Variants in ZDHHC14 observed in about 807,000 individuals in gnomAD.
ZDHHC14 encodes palmitoyltransferase ZDHHC14.
In ZDHHC14, 16 loss-of-function variants were observed where a neutral mutation model predicts 47.7. The ratio of observed to expected loss-of-function variants is 0.34; its 90% CI spans 0.23 to 0.51. The LOEUF is 0.51. Ranked by LOEUF, ZDHHC14 falls within the 20% of genes least tolerant of loss-of-function variation. ZDHHC14 has a pLI of 0.97. For synonymous variants in ZDHHC14, 293 were observed against 278.9 expected (o/e 1.05, Z -0.50); for missense variants, 515 against 662.5 (o/e 0.78, Z 2.44).
At chr6:157,522,549 C>G (rs1780960067) in intron 1 of ZDHHC14, among the ~76,000 whole-genome samples, 1 of 151,958 alleles carries the variant, frequency 6.6e-6, no homozygotes, top group African/African-American at 2.4e-5. Flanking sequence ...ATAGGAAATA[C>G]AGGCTCAGGA....
chr6:157,423,485 A>T (rs896002960), intron 1 of ZDHHC14, among the ~76,000 whole-genome samples: 3 of 152,192 alleles, frequency 2.0e-5, no homozygotes, highest in Non-Finnish European at 2.9e-5. Flanking sequence ...TTATATTTTT[A>T]AAATTTCATA....
chr6:157,550,566 A>G (rs1782189269), intron 2 of ZDHHC14, among the ~76,000 whole-genome samples: 1 of 152,178 alleles, frequency 6.6e-6, no homozygotes, highest in African/African-American at 2.4e-5. Flanking sequence ...CACTCTAGAG[A>G]GAACACGGTG....
chr6:157,500,597 T>C (rs1780171273), intron 1 of ZDHHC14, among the ~76,000 whole-genome samples: 1 of 152,166 alleles, frequency 6.6e-6, no homozygotes, highest in African/African-American at 2.4e-5. Context: ...GTGACACGAT[T>C]TGCCAGTGGA....
chr6:157,515,457 C>CTTTT (rs1187323622), intron 1 of ZDHHC14, among the ~76,000 whole-genome samples: 10 of 129,446 alleles, frequency 7.7e-5, no homozygotes, highest in Non-Finnish European at 1.0e-4. Flanking sequence ...TTTTCTTTTT[C>CTTTT]TTTTTTTTTT....
chr6:157,669,376 A>T (rs1486320990), intron 8 of ZDHHC14, among the ~76,000 whole-genome samples: 1 of 152,078 alleles, frequency 6.6e-6, no homozygotes, highest in Non-Finnish European at 1.5e-5. Context: ...ACCTCTCCCC[A>T]GAGAGGAAAG....
At position 157,517,630 on chromosome 6, in the gene ZDHHC14, G is replaced by A. The variant is rs376819526; in HGVS notation, c.246-24955G>A. ...CTGGCCTTAAAGTATCTCTTAAGCC[G>A]TACTGTGTATCTTGAAAATTTCTGT... On this transcript the variant is annotated intron_variant, in intron 1 of 8. Transcript: ENST00000359775. Among the ~76,000 whole-genome samples the A allele has an allele frequency of 6.6e-5, 10 of 152,248 alleles. No homozygotes were observed. The South Asian group carries it at 1.7e-3, about 25-fold the overall frequency.
chr6:157,488,597 G>C (rs1240633508), intron 1 of ZDHHC14, among the ~76,000 whole-genome samples: 2 of 152,148 alleles, frequency 1.3e-5, no homozygotes, highest in African/African-American at 4.8e-5. Flanking sequence ...TCATTGCAAA[G>C]TGTACCTGGC....
At chr6:157,569,853 G>T (rs1211059925) in intron 2 of ZDHHC14, among the ~76,000 whole-genome samples, 1 of 151,822 alleles carries the variant, frequency 6.6e-6, no homozygotes, top group Non-Finnish European at 1.5e-5. Flanking sequence ...AGGAGACATT[G>T]TCTTCTTTGT....
chr6:157,497,124 G>A (rs542618770), intron 1 of ZDHHC14, among the ~76,000 whole-genome samples: 3 of 152,200 alleles, frequency 2.0e-5, no homozygotes, highest in Non-Finnish European at 4.4e-5. Context: ...AATTAAAAAC[G>A]TGATGATTTG....
intron 1 of ZDHHC14, among the ~76,000 whole-genome samples, chr6:157,423,125 T>C (rs1749378806): frequency 6.6e-6 from 1 of 152,196 alleles, no homozygotes; most frequent in Admixed American, 6.5e-5. Flanking sequence ...AAGTTATTGT[T>C]GTTGATATTC....
intron 2 of ZDHHC14, among the ~76,000 whole-genome samples, chr6:157,567,735 T>G (rs1397528527): frequency 6.6e-6 from 1 of 150,564 alleles, no homozygotes; most frequent in African/African-American, 2.5e-5. Context: ...GAGAATCAGT[T>G]GAACCTGGGA....
intron 1 of ZDHHC14, among the ~76,000 whole-genome samples, chr6:157,384,056 A>T (rs1777265992): frequency 1.3e-5 from 2 of 152,214 alleles, no homozygotes; most frequent in African/African-American, 4.8e-5. Context: ...GTGGTCCTCT[A>T]GTTGCAGAGT....
At chr6:157,507,167 A>T (rs1057158574) in intron 1 of ZDHHC14, among the ~76,000 whole-genome samples, 88 of 152,124 alleles carry the variant, frequency 5.8e-4, no homozygotes, top group African/African-American at 2.0e-3. Context: ...TATATCATAA[A>T]TTTTTATTAA....
At chr6:157,405,296 G>A (rs1396436789) in intron 1 of ZDHHC14, among the ~76,000 whole-genome samples, 1 of 152,112 alleles carries the variant, frequency 6.6e-6, no homozygotes, top group Non-Finnish European at 1.5e-5. Flanking sequence ...GCAGTGGCGC[G>A]ATCTCGGTTC....
At chr6:157,462,309 G>C (rs1399871192) in intron 1 of ZDHHC14, among the ~76,000 whole-genome samples, 1 of 152,154 alleles carries the variant, frequency 6.6e-6, no homozygotes, top group African/African-American at 2.4e-5. Context: ...ATATTTTCTA[G>C]TGAGATTCAC....
chr6:157,564,662 A>G (rs1355293132), intron 2 of ZDHHC14, among the ~76,000 whole-genome samples: 3 of 152,246 alleles, frequency 2.0e-5, no homozygotes, highest in African/African-American at 4.8e-5. Flanking sequence ...CTAAGAAATA[A>G]TTTCTTAAAT....
chr6:157,477,096 A>C (rs1779506526), intron 1 of ZDHHC14, among the ~76,000 whole-genome samples: 2 of 152,156 alleles, frequency 1.3e-5, no homozygotes, highest in Admixed American at 6.6e-5. Flanking sequence ...AAATAGGAAA[A>C]TAAGGCTGGG....
intron 2 of ZDHHC14, among the ~76,000 whole-genome samples, chr6:157,559,874 C>G (rs4463281): frequency 2.6e-5 from 4 of 151,994 alleles, no homozygotes; most frequent in Non-Finnish European, 5.9e-5. Context: ...AAAAAATTCA[C>G]TGTGAAAGAA....
chr6:157,475,649 T>C (rs1406052602), intron 1 of ZDHHC14, among the ~76,000 whole-genome samples: 2 of 152,176 alleles, frequency 1.3e-5, no homozygotes, highest in Non-Finnish European at 2.9e-5. Context: ...TTTTCTTGAT[T>C]TATTTTTCAG....
Sources: gnomAD v4.1 joint callset for allele counts (sites outside exome capture counted in the v4.1 genomes callset) on GRCh38, gnomAD v4.1.1 for gene constraint, MANE v1.5 for transcripts, NCBI Gene and HGNC (gene_info 2026-07-23, HGNC 2026-07-21) for gene names.